SPATS2L: variants seen among roughly 807,000 people sequenced by gnomAD.
SPATS2L encodes spermatogenesis associated serine rich 2 like.
In SPATS2L, 30 loss-of-function variants were observed where a neutral mutation model predicts 59.6. The observed-to-expected ratio is 0.50, with a 90% CI of 0.38 to 0.68. The LOEUF (loss-of-function observed/expected upper bound fraction) is 0.68. SPATS2L is among the 30% of genes least tolerant of loss of function. SPATS2L has a pLI of 0.00. For missense variants in SPATS2L, 615 were observed against 700.0 expected, an observed-to-expected ratio of 0.88 and a Z score of 1.37; for synonymous variants, 252 against 263.5, an observed-to-expected ratio of 0.96 and a Z score of 0.42.
chr2:200,423,331 G>C (rs1398919832), intron 6 of SPATS2L, among the ~76,000 whole-genome samples: 1 of 152,140 alleles, frequency 6.6e-6, no homozygotes, highest in Non-Finnish European at 1.5e-5. Flanking sequence ...ACTGGCAATC[G>C]CAAGAGCTCT....
At chr2:200,335,393 G>A (rs1171691375) in intron 2 of SPATS2L, among the ~76,000 whole-genome samples, 127 of 149,144 alleles carry the variant, frequency 8.5e-4, no homozygotes, top group African/African-American at 3.0e-3. Context: ...AAAAAAGAAA[G>A]AAAAAAAAAA....
intron 7 of SPATS2L, 101 bp from the exon 8 acceptor site, chr2:200,440,548 A>G: frequency 8.8e-7 from 1 of 1,142,170 alleles, no homozygotes; most frequent in East Asian, 2.5e-5. Context: ...ACAAAAGATG[A>G]GTCCCTTTTT....
chr2:200,377,915 G>A (rs1430422602), intron 2 of SPATS2L: 4 of 152,240 alleles, frequency 2.6e-5, no homozygotes, highest in Admixed American at 2.6e-4. Context: ...ATCATGCCCA[G>A]AAACTGACCT....
At chr2:200,470,999 A>G (rs1332696793) in intron 11 of SPATS2L, among the ~76,000 whole-genome samples, 1 of 151,958 alleles carries the variant, frequency 6.6e-6, no homozygotes, top group Non-Finnish European at 1.5e-5. Flanking sequence ...ATCTCTACTA[A>G]AAGTGCAAAA....
chr2:200,414,849 A>C (rs1368580595), intron 4 of SPATS2L, among the ~76,000 whole-genome samples: 1 of 152,222 alleles, frequency 6.6e-6, no homozygotes. Context: ...CATTGTCCAA[A>C]TTACAAATAG....
At chr2:200,332,624 C>A (rs1398084981) in intron 2 of SPATS2L, among the ~76,000 whole-genome samples, 1 of 151,794 alleles carries the variant, frequency 6.6e-6, no homozygotes, top group Non-Finnish European at 1.5e-5. Context: ...TGAAAGTCTA[C>A]TGAGAGAATA....
rs1404944249 is a variant in SPATS2L at position 200,306,871 on chromosome 2, C to T, written c.-124C>T. 1.8e-5 allele frequency: 18 copies of T among 980,956 alleles called. No homozygotes were observed. The African/African-American group carries it at 3.0e-4, about 16-fold the overall frequency. The allele number at this position is 980,956 out of a possible 1,614,324, so 60.8% of individuals were successfully genotyped here. ...GCGGCGCCTCCCCTGGCGACCGCGC[C>T]CCCGGGCCCCGGCTCCGGCCCGGGA... On this transcript the variant is annotated 5_prime_UTR_variant, in exon 1 of 13. Transcript: ENST00000409140.
At chr2:200,372,159 A>G (rs1353305202) in intron 2 of SPATS2L, 16 of 985,344 alleles carry the variant, frequency 1.6e-5, no homozygotes, top group Non-Finnish European at 1.8e-5. Flanking sequence ...TAGTTGCCTC[A>G]TGGGAAACTC....
intron 8 of SPATS2L, among the ~76,000 whole-genome samples, chr2:200,450,569 G>A (rs2085369265): frequency 6.6e-6 from 1 of 152,144 alleles, no homozygotes. Flanking sequence ...ATAGATAGAT[G>A]AATGTGTGTC....
At position 200,453,192 on chromosome 2, in the gene SPATS2L, A is replaced by C. The variant is rs79074581; in HGVS notation, c.789-6577A>C. Among the ~76,000 whole-genome samples the C allele has an allele frequency of 4.3e-3, 648 of 152,332 alleles. 1 individual carries two copies. Among genetic ancestry groups the C allele is most frequent in the Middle Eastern group, 0.02 (6 of 294 alleles). On this transcript the variant is annotated intron_variant, in intron 8 of 12. Coordinates refer to ENST00000409140, the MANE Select transcript of SPATS2L (RefSeq NM_001100423.2). ...CACTGGGTGAGAGATGACACCAGTA[A>C]CCAGCATAGAGGGTGCAGGAGAGAG...
intron 1 of SPATS2L, among the ~76,000 whole-genome samples, chr2:200,323,236 A>G (rs2079623132): frequency 6.6e-6 from 1 of 152,166 alleles, no homozygotes; most frequent in South Asian, 2.1e-4. Flanking sequence ...CAGCTTTCCT[A>G]TCCCTGAGAG....
chr2:200,344,712 T>C (rs925892379), intron 2 of SPATS2L, among the ~76,000 whole-genome samples: 1 of 152,184 alleles, frequency 6.6e-6, no homozygotes, highest in Non-Finnish European at 1.5e-5. Flanking sequence ...TCTTTTTCTC[T>C]GCAACTTTGC....
intron 2 of SPATS2L, among the ~76,000 whole-genome samples, chr2:200,358,525 A>G (rs899051109): frequency 2.6e-5 from 4 of 152,228 alleles, no homozygotes; most frequent in African/African-American, 9.6e-5. Context: ...GTGGTTGACC[A>G]GATTGCTCTG....
intron 2 of SPATS2L, among the ~76,000 whole-genome samples, chr2:200,349,511 G>T (rs1220523707): frequency 6.6e-6 from 1 of 152,188 alleles, no homozygotes; most frequent in Non-Finnish European, 1.5e-5. Context: ...GATGGCACAT[G>T]CCTGTAATCT....
At chr2:200,422,483 A>T (rs2083346738) in intron 6 of SPATS2L, among the ~76,000 whole-genome samples, 2 of 148,032 alleles carry the variant, frequency 1.4e-5, no homozygotes, top group Admixed American at 1.4e-4. Flanking sequence ...GCTTCAGTGA[A>T]CTGTGATCGT....
At chr2:200,450,584 C>T (rs1323662036) in intron 8 of SPATS2L, among the ~76,000 whole-genome samples, 1 of 152,118 alleles carries the variant, frequency 6.6e-6, no homozygotes, top group African/African-American at 2.4e-5. Context: ...TGTGTCAAGC[C>T]ACTACTTTTC....
At chr2:200,396,035 T>TATAA (rs2082336987) in intron 3 of SPATS2L, among the ~76,000 whole-genome samples, 1 of 19,524 alleles carries the variant, frequency 5.1e-5, no homozygotes, top group African/African-American at 1.9e-4. Context: ...AAAAAAAAAA[T>TATAA]ATATATATAT....
intron 2 of SPATS2L, among the ~76,000 whole-genome samples, chr2:200,365,170 A>G (rs1198470086): frequency 6.6e-6 from 1 of 152,214 alleles, no homozygotes; most frequent in African/African-American, 2.4e-5. Context: ...TTGTATTCCT[A>G]CTACCCAAGT....
chr2:200,383,453 A>AC (rs1338492131), intron 2 of SPATS2L, among the ~76,000 whole-genome samples: 16 of 152,188 alleles, frequency 1.1e-4, no homozygotes, highest in African/African-American at 3.4e-4. Context: ...CCCTTCCAGC[A>AC]CATTTCACTT....
Sources: gnomAD v4.1 joint callset for allele counts (sites outside exome capture counted in the v4.1 genomes callset) on GRCh38, gnomAD v4.1.1 for gene constraint, MANE v1.5 for transcripts, NCBI Gene and HGNC (gene_info 2026-07-23, HGNC 2026-07-21) for gene names.